Variants in KRT73 observed in about 807,000 individuals in gnomAD.
KRT73 encodes the protein keratin 73.
In KRT73, 44 loss-of-function variants were observed where a neutral mutation model predicts 47.2. The observed-to-expected ratio is 0.93, with a 90% CI of 0.73 to 1.20. KRT73 has a LOEUF of 1.20. Among genes scored for constraint, KRT73 ranks in the 50% most tolerant of loss-of-function variants. The pLI is 0.00. For synonymous variants in KRT73, 285 were observed against 291.3 expected, an observed-to-expected ratio of 0.98 and a Z score of 0.22; for missense variants, 713 against 704.5, an observed-to-expected ratio of 1.01 and a Z score of -0.14.
intron 1 of KRT73, among the ~76,000 whole-genome samples, chr12:52,616,841 G>C (rs1940825139): frequency 6.6e-6 from 1 of 152,204 alleles, no homozygotes; most frequent in Non-Finnish European, 1.5e-5. Context: ...AGCCCAGCCA[G>C]AGGCAGATGT....
At chr12:52,609,393 A>T in intron 7 of KRT73, 112 bp from the exon 8 acceptor site, 2 of 855,242 alleles carry the variant, frequency 2.3e-6, no homozygotes, top group Non-Finnish European at 4.0e-6. Flanking sequence ...GCCTTCACGC[A>T]CCCCACACTT....
chr12:52,614,833 TCA>T, intron 3 of KRT73, 159 bp from the exon 4 acceptor site: 4 of 596,908 alleles, frequency 6.7e-6, no homozygotes. Context: ...ACTGTCAGAC[TCA>T]CTGCGAAACC....
chr12:52,630,491 G>A, the KRT73 span, among the ~76,000 whole-genome samples: 2 of 152,198 alleles, frequency 1.3e-5, no homozygotes, highest in South Asian at 2.1e-4. Context: ...GCACTGTGCC[G>A]AGGGCCAACA....
intron 5 of KRT73, among the ~76,000 whole-genome samples, chr12:52,612,996 G>A (rs550079446): frequency 1.7e-4 from 26 of 152,196 alleles, no homozygotes; most frequent in Non-Finnish European, 3.4e-4. Flanking sequence ...CCTTTACCAA[G>A]AAGCCCTAGC....
the KRT73 span, among the ~76,000 whole-genome samples, chr12:52,626,761 C>T: frequency 6.6e-6 from 1 of 152,188 alleles, no homozygotes; most frequent in Non-Finnish European, 1.5e-5. Flanking sequence ...GTCCACTGCT[C>T]AAAGCTGCAG....
chr12:52,621,211 A>G (rs905723650), upstream of KRT73, among the ~76,000 whole-genome samples: 182 of 145,484 alleles, frequency 1.3e-3, no homozygotes, highest in African/African-American at 4.3e-3. Flanking sequence ...CACTTCCCAC[A>G]GTGGGGCTGT....
the KRT73 span, among the ~76,000 whole-genome samples, chr12:52,629,367 C>T: frequency 6.6e-6 from 1 of 151,606 alleles, no homozygotes; most frequent in African/African-American, 2.4e-5. Context: ...ATGTGTCCAC[C>T]ACAGGCAGCA....
chr12:52,611,494 A>C, intron 5 of KRT73, 165 bp from the exon 6 acceptor site: 2 of 741,234 alleles, frequency 2.7e-6, no homozygotes, highest in Non-Finnish European at 4.3e-6. Context: ...GGGCCATTGC[A>C]TTTGCTTGCC....
intron 5 of KRT73, 126 bp downstream of exon 5, chr12:52,613,562 A>G: frequency 2.7e-6 from 4 of 1,502,354 alleles, no homozygotes; most frequent in Non-Finnish European, 3.5e-6. Context: ...GGCTTCCCCC[A>G]GTGCCCAGGA....
At chr12:52,629,894 G>A in the KRT73 span, among the ~76,000 whole-genome samples, 2 of 152,212 alleles carry the variant, frequency 1.3e-5, no homozygotes, top group Non-Finnish European at 2.9e-5. Flanking sequence ...GTCGCCTCAT[G>A]GCCACTGTTC....
upstream of KRT73, among the ~76,000 whole-genome samples, chr12:52,621,837 T>A (rs1360206745): frequency 6.6e-6 from 1 of 152,004 alleles, no homozygotes; most frequent in Non-Finnish European, 1.5e-5. Context: ...AGCAGTTAGA[T>A]GGAATCAGGG....
upstream of KRT73, among the ~76,000 whole-genome samples, chr12:52,622,163 C>A (rs1423917296): frequency 1.3e-5 from 2 of 152,078 alleles, no homozygotes; most frequent in African/African-American, 2.4e-5. Flanking sequence ...GATGCCAATA[C>A]TTAGATGACA....
At chr12:52,627,432 G>A in the KRT73 span, among the ~76,000 whole-genome samples, 2 of 152,254 alleles carry the variant, frequency 1.3e-5, no homozygotes, top group African/African-American at 4.8e-5. Flanking sequence ...CATTATCCCT[G>A]GCTATCTTCC....
intron 7 of KRT73, 72 bp downstream of exon 7, chr12:52,610,540 CCCG>C (rs1940675042): frequency 3.4e-6 from 1 of 292,526 alleles, no homozygotes; most frequent in Non-Finnish European, 6.5e-6. Context: ...CCCCCTCCCC[CCCG>C]CCCCCAACCA....
chr12:52,611,253 G>GTCAGCTCTGAGA lies in KRT73; in HGVS notation c.1049_1060dup (p.Ile350_Leu353dup). 1 of 1,614,162 alleles carries GTCAGCTCTGAGA rather than the reference G, an allele frequency of 6.2e-7. No individual in the cohort carries two copies. Among genetic ancestry groups the GTCAGCTCTGAGA allele is most frequent in the Non-Finnish European group, 8.5e-7 (1 of 1,180,036 alleles). ...CGAGCGCAGTCTTTGGATGAGACGG[G>GTCAGCTCTGAGA]TCAGCTCTGAGATCTCATTTTTGGT... On this transcript the variant is annotated inframe_insertion, in exon 6 of 9. Transcript: ENST00000305748.
chr12:52,616,059 G>T, intron 2 of KRT73, 107 bp downstream of exon 2: 1 of 1,355,420 alleles, frequency 7.4e-7, no homozygotes, highest in Non-Finnish European at 1.0e-6. Context: ...TCATCTTGCT[G>T]GGACAGATGA....
chr12:52,614,582 C>A lies in KRT73; in HGVS notation c.816G>T (p.Glu272Asp), dbSNP rs758316630. Residue 272 changes from glutamate to aspartate, a missense_variant, in exon 4 of 9, where the codon GAG (glutamate) becomes GAT (aspartate). Coordinates refer to ENST00000305748, the MANE Select transcript of KRT73 (RefSeq NM_175068.3). ...GGTGGGGCAGGGGGAGCCTTACCCC[C>A]TCGTACAGACACTTGAAGAACTTGA... Reference protein sequence around the residue: ...GEIKFFKCLYEGETAQIQSHI... With the variant: ...GEIKFFKCLYDGETAQIQSHI... 2 of 1,613,368 alleles carry A rather than the reference C, an allele frequency of 1.2e-6. No individual in the cohort carries two copies. Among genetic ancestry groups the A allele is most frequent in the South Asian group, 2.2e-5 (2 of 90,954 alleles).
chr12:52,626,573 A>G, the KRT73 span, among the ~76,000 whole-genome samples: 2 of 152,150 alleles, frequency 1.3e-5, no homozygotes, highest in African/African-American at 2.4e-5. Flanking sequence ...TTTCATGGCC[A>G]TAGTTATTTT....
intron 7 of KRT73, 124 bp from the exon 8 acceptor site, chr12:52,609,405 C>T: frequency 1.3e-6 from 1 of 779,586 alleles, no homozygotes; most frequent in South Asian, 1.4e-5. Flanking sequence ...CCCACACTTG[C>T]CAGATGGCAC....
Sources: gnomAD v4.1 joint callset for allele counts (sites outside exome capture counted in the v4.1 genomes callset) on GRCh38, gnomAD v4.1.1 for gene constraint, MANE v1.5 for transcripts, NCBI Gene and HGNC (gene_info 2026-07-23, HGNC 2026-07-21) for gene names.